Variants in TANGO6 observed in about 807,000 individuals in gnomAD.
TANGO6 encodes the protein transport and Golgi organization protein 6 homolog.
A neutral mutation model predicts 114.2 loss-of-function variants in TANGO6; 90 were observed. The observed-to-expected ratio is 0.79, with a 90% CI of 0.66 to 0.94. The LOEUF (loss-of-function observed/expected upper bound fraction) is 0.94. TANGO6 is among the 40% of genes least tolerant of loss of function. The pLI is 0.00. For missense variants in TANGO6, 1,274 were observed against 1,315.3 expected (o/e 0.97, Z 0.49); for synonymous variants, 477 against 509.8 (o/e 0.94, Z 0.87).
rs368284374 is a variant in TANGO6, at chr16:68,855,848, G to A, written c.95-4036G>A. Among the ~76,000 whole-genome samples, 524 of 149,054 alleles carry A rather than the reference G, an allele frequency of 3.5e-3. 3 individuals carry two copies. The highest frequency in any genetic ancestry group is 0.012 in the African/African-American group (484 of 40,398). The stretch of plus-strand genomic sequence containing the variant: ...TGCCGTGAGTTGAGATTGTGCCACC[G>A]CACTCTAGCCTTGACAGAGCAAGAC... On this transcript the variant is annotated intron_variant, in intron 1 of 17. Transcript: ENST00000261778.
At chr16:68,980,409 C>CTCTCTCTCTCTCTCTCTCTCTCTCTA (rs1408626276) in intron 15 of TANGO6, among the ~76,000 whole-genome samples, 16 of 67,978 alleles carry the variant, frequency 2.4e-4, no homozygotes, top group Middle Eastern at 9.1e-3. Flanking sequence ...CTCTCTCTCT[C>CTCTCTCTCTCTCTCTCTCTCTCTCTA]TATATATATA....
intron 11 of TANGO6, among the ~76,000 whole-genome samples, chr16:68,914,485 A>G (rs533116059): frequency 3.9e-5 from 6 of 152,338 alleles, no homozygotes; most frequent in Non-Finnish European, 8.8e-5. Flanking sequence ...CAAACTAAAC[A>G]GTTTATTATT....
At chr16:68,996,664 G>GA (rs1206548005) in intron 15 of TANGO6, among the ~76,000 whole-genome samples, 1 of 152,146 alleles carries the variant, frequency 6.6e-6, no homozygotes, top group Non-Finnish European at 1.5e-5. Flanking sequence ...TCCAAGACAG[G>GA]AGGAAAAGTA....
At chr16:69,073,341 C>T (rs1335242040) in intron 17 of TANGO6, among the ~76,000 whole-genome samples, 1 of 152,204 alleles carries the variant, frequency 6.6e-6, no homozygotes, top group Non-Finnish European at 1.5e-5. Context: ...CCTCCACCCA[C>T]CTCCAAAGGC....
intron 14 of TANGO6, among the ~76,000 whole-genome samples, chr16:68,964,847 G>T (rs1183020664): frequency 6.6e-6 from 1 of 152,068 alleles, no homozygotes; most frequent in East Asian, 1.9e-4. Context: ...GGGATTACAG[G>T]CGTGAGCCAC....
chr16:69,021,876 AT>A (rs1036359745), intron 15 of TANGO6, among the ~76,000 whole-genome samples: 43 of 145,722 alleles, frequency 3.0e-4, no homozygotes, highest in East Asian at 4.0e-4. Flanking sequence ...GTATATGTAA[AT>A]TTTTTTTTCT....
chr16:68,982,642 T>TTTTTTTTTTTTTTG (rs1963849297), intron 15 of TANGO6, among the ~76,000 whole-genome samples: 1 of 140,136 alleles, frequency 7.1e-6, no homozygotes, highest in Non-Finnish European at 1.5e-5. Context: ...TTTTTTTTTT[T>TTTTTTTTTTTTTTG]TTTTTTTTTT....
intron 3 of TANGO6, 104 bp from the exon 4 acceptor site, chr16:68,866,975 C>CT (rs536677611): frequency 0.063 from 14,226 of 227,234 alleles, 1,134 homozygotes; most frequent in African/African-American, 0.14. Context: ...GCTATTTCTC[C>CT]TTTTTTTTTT....
At chr16:68,915,173 CA>C (rs1165497927) in intron 11 of TANGO6, among the ~76,000 whole-genome samples, 17,882 of 73,958 alleles carry the variant, frequency 0.24, 1,137 homozygotes, top group African/African-American at 0.31. Flanking sequence ...AACTCTGTCT[CA>C]AAAAAAAAAA....
At chr16:69,025,794 A>T (rs1290129110) in intron 16 of TANGO6, 1 of 164,744 alleles carries the variant, frequency 6.1e-6, no homozygotes, top group Non-Finnish European at 1.3e-5. Context: ...TTCCACTTTA[A>T]GCAAAAACTC....
At chr16:69,079,698 T>A (rs1960438862) in intron 17 of TANGO6, among the ~76,000 whole-genome samples, 1 of 152,190 alleles carries the variant, frequency 6.6e-6, no homozygotes, top group African/African-American at 2.4e-5. Flanking sequence ...CAAAATGCTA[T>A]TTTTTTCTAC....
rs757702955 is a variant in TANGO6, at chr16:68,875,194, T to C, written c.1035T>C (p.Ala345=). 6.2e-7 allele frequency: 1 copy of C among 1,613,504 alleles called. No homozygotes were observed. Among genetic ancestry groups the C allele is most frequent in the South Asian group, 1.1e-5 (1 of 91,022 alleles). The change falls in exon 5 of 18, where the codon GCT becomes GCC. Residue 345 remains alanine, a synonymous_variant. Transcript: ENST00000261778. ...GAAGTGATGCTGAGGTGACGGCTGC[T>C]GACTGGAAGAAGTGTGACCTGATCG... ...AGGSDAEVTA[A]DWKKCDLIAK...
intron 11 of TANGO6, among the ~76,000 whole-genome samples, chr16:68,913,404 ATTT>A (rs769117351): frequency 2.4e-5 from 3 of 122,502 alleles, no homozygotes; most frequent in African/African-American, 3.1e-5. Flanking sequence ...AAAATTATTA[ATTT>A]TTTTTTTTTT....
intron 9 of TANGO6, among the ~76,000 whole-genome samples, chr16:68,906,022 T>C (rs1051253614): frequency 6.6e-6 from 1 of 151,560 alleles, no homozygotes; most frequent in African/African-American, 2.4e-5. Flanking sequence ...CTACTAAAAA[T>C]ACAAAAAATT....
intron 17 of TANGO6, among the ~76,000 whole-genome samples, chr16:69,072,129 G>GTGTT: frequency 6.7e-6 from 1 of 149,766 alleles, no homozygotes; most frequent in Non-Finnish European, 1.5e-5. Flanking sequence ...GACCGTGTGT[G>GTGTT]TGTGTGTGTG....
chr16:69,015,889 T>C (rs953690590), intron 15 of TANGO6, among the ~76,000 whole-genome samples: 5 of 152,186 alleles, frequency 3.3e-5, no homozygotes, highest in Admixed American at 1.3e-4. Flanking sequence ...TCTTGACTTA[T>C]ATGGCCAGTC....
rs1398993922 is a variant in TANGO6, at chr16:68,907,546, G to T, written c.1771G>T (p.Ala591Ser). ...GTCCCACTGCCAGGAATGCGGTTTG[G>T]CAGGAGACTTCTTCATCTTCTGTTT... ...LLSHCQECGL[A>S]GDFFIFCLKE... is the part of the protein sequence containing the mutation. Residue 591 changes from alanine to serine, a missense_variant, in exon 10 of 18, where the codon GCA becomes TCA. Around this residue, in one of 5 missense-constraint regions of TANGO6, gnomAD observed 908 missense variants for 910.2 expected, o/e 1.00. Transcript: ENST00000261778. 8.1e-6 allele frequency: 13 copies of T among 1,613,510 alleles called. No individual in the cohort carries two copies. In the East Asian group the frequency reaches 2.9e-4, roughly 36 times the overall value.
intron 15 of TANGO6, among the ~76,000 whole-genome samples, chr16:69,020,904 A>ATGTG (rs34350425): frequency 0.075 from 6,573 of 87,112 alleles, 183 homozygotes; most frequent in East Asian, 0.13. Context: ...ATATGTATGT[A>ATGTG]TGTGTGTGTG....
At chr16:68,876,765 G>A (rs1962368041) in intron 5 of TANGO6, among the ~76,000 whole-genome samples, 1 of 152,092 alleles carries the variant, frequency 6.6e-6, no homozygotes, top group Non-Finnish European at 1.5e-5. Flanking sequence ...ACGTTGCAGT[G>A]AGCTGAGTTT....
Sources: gnomAD v4.1 joint callset for allele counts (sites outside exome capture counted in the v4.1 genomes callset) on GRCh38, gnomAD v4.1.1 for gene constraint, gnomAD v4.1.1 regional missense constraint, MANE v1.5 for transcripts, NCBI Gene and HGNC (gene_info 2026-07-23, HGNC 2026-07-21) for gene names.